The following CAMK2B variants were observed in gnomAD, a reference collection of about 807,000 sequenced individuals.
CAMK2B encodes the protein calcium/calmodulin dependent protein kinase II beta.
In CAMK2B, 27 loss-of-function variants were observed where a neutral mutation model predicts 93.7. The observed-to-expected ratio is 0.29, with a 90% CI of 0.21 to 0.40. The LOEUF (loss-of-function observed/expected upper bound fraction) is 0.40. CAMK2B is among the 10% of genes least tolerant of loss of function. CAMK2B has a pLI of 1.00. For missense variants in CAMK2B, 568 were observed against 895.8 expected, an observed-to-expected ratio of 0.63 and a Z score of 4.67; for synonymous variants, 374 against 358.8, an observed-to-expected ratio of 1.04 and a Z score of -0.48.
At chr7:44,249,066 G>A (rs10441113) in intron 5 of CAMK2B, among the ~76,000 whole-genome samples, 46,525 of 152,054 alleles carry the variant, frequency 0.31, 7,996 homozygotes, top group Non-Finnish European at 0.39. Flanking sequence ...TTCTGCTCCT[G>A]CAACTCCTGT....
intron 1 of CAMK2B, among the ~76,000 whole-genome samples, chr7:44,294,136 C>G (rs1787635511): frequency 6.6e-6 from 1 of 152,146 alleles, no homozygotes; most frequent in Non-Finnish European, 1.5e-5. Flanking sequence ...TGGCTGACCC[C>G]CCTCCAAGGA....
At position 44,311,794 on chromosome 7, in the gene CAMK2B, A is replaced by AGGGGAAG. The variant is rs1166832685; in HGVS notation, c.65+13556_65+13562dup. On this transcript the variant is annotated intron_variant, in intron 1 of 23. Transcript: ENST00000395749. This position sits in a 1 kb window ranked among gnomAD's most constrained non-coding sequence, Gnocchi z 4.2. ...TCTGCTCCCACCTGCAGACAGGACA[A>AGGGGAAG]GGGGAAGGGGTGTGTGACTGACTCT... Among the ~76,000 whole-genome samples, 1 of 152,186 alleles carries AGGGGAAG rather than the reference A, an allele frequency of 6.6e-6. No individual in the cohort carries two copies. The highest frequency in any genetic ancestry group is 1.5e-5 in the Non-Finnish European group (1 of 68,022).
At chr7:44,282,209 C>A (rs1015425288) in intron 2 of CAMK2B, among the ~76,000 whole-genome samples, 27 of 152,350 alleles carry the variant, frequency 1.8e-4, no homozygotes, top group African/African-American at 6.0e-4. Flanking sequence ...CAACTGAGCA[C>A]CGCCCACTTA....
At chr7:44,305,730 G>A (rs1055477101) in intron 1 of CAMK2B, among the ~76,000 whole-genome samples, 1 of 152,204 alleles carries the variant, frequency 6.6e-6, no homozygotes, top group Non-Finnish European at 1.5e-5. Flanking sequence ...AGACAGGGGC[G>A]AGAGGCCTTG....
intron 1 of CAMK2B, 131 bp downstream of exon 1, chr7:44,325,226 T>C: frequency 2.8e-6 from 1 of 358,328 alleles, no homozygotes; most frequent in Non-Finnish European, 3.9e-6. Flanking sequence ...GGCCGTGCGC[T>C]TGGGCCCGGA....
chr7:44,236,266 T>C (rs1041471316), intron 13 of CAMK2B, among the ~76,000 whole-genome samples: 4 of 152,222 alleles, frequency 2.6e-5, no homozygotes, highest in Admixed American at 6.5e-5. Context: ...CTGGGCTCTG[T>C]GGGGACTGGG....
At chr7:44,263,283 G>A (rs2129040165) in intron 2 of CAMK2B, among the ~76,000 whole-genome samples, 1 of 152,360 alleles carries the variant, frequency 6.6e-6, no homozygotes, top group East Asian at 1.9e-4. Context: ...GGGTGGAGAG[G>A]CCCATTCGGG....
intron 1 of CAMK2B, among the ~76,000 whole-genome samples, chr7:44,291,044 G>A (rs531833359): frequency 6.6e-6 from 1 of 152,246 alleles, no homozygotes; most frequent in East Asian, 1.9e-4. Context: ...CAATTAGGGG[G>A]CTCTTGTTGC....
At chr7:44,279,027 C>G (rs2097078544) in intron 2 of CAMK2B, among the ~76,000 whole-genome samples, 1 of 152,218 alleles carries the variant, frequency 6.6e-6, no homozygotes, top group South Asian at 2.1e-4. Flanking sequence ...GGCCGTGTGA[C>G]CCAAAGGTTC....
intron 20 of CAMK2B, among the ~76,000 whole-genome samples, chr7:44,226,091 G>T (rs1170752100): frequency 2.6e-5 from 4 of 152,032 alleles, no homozygotes; most frequent in Admixed American, 2.6e-4. Flanking sequence ...TCTAATGCTA[G>T]AGCGTCTCAG....
chr7:44,232,269 C>A (rs886603269), intron 16 of CAMK2B, among the ~76,000 whole-genome samples: 1 of 152,090 alleles, frequency 6.6e-6, no homozygotes, highest in Non-Finnish European at 1.5e-5. Flanking sequence ...GGTGTAGTGG[C>A]GCTGTTTTGG....
intron 1 of CAMK2B, among the ~76,000 whole-genome samples, chr7:44,290,783 G>T (rs948041419): frequency 6.6e-6 from 1 of 152,178 alleles, no homozygotes; most frequent in African/African-American, 2.4e-5. Flanking sequence ...GAGTGCTGAG[G>T]TTGTTGTGGG....
At chr7:44,276,189 C>A (rs2097036572) in intron 2 of CAMK2B, among the ~76,000 whole-genome samples, 2 of 127,904 alleles carry the variant, frequency 1.6e-5, no homozygotes, top group South Asian at 2.8e-4. Flanking sequence ...GGGAAAGGGG[C>A]GGGTCTCCAG....
chr7:44,323,899 C>A, intron 1 of CAMK2B: 1 of 161,734 alleles, frequency 6.2e-6, no homozygotes, highest in Non-Finnish European at 1.4e-5. Context: ...ACCGGGGAGC[C>A]AGCCACCCAC....
At chr7:44,242,929 G>A (rs924174235) in intron 8 of CAMK2B, among the ~76,000 whole-genome samples, 1 of 152,158 alleles carries the variant, frequency 6.6e-6, no homozygotes, top group Non-Finnish European at 1.5e-5. Flanking sequence ...CCTACCCAAG[G>A]AGGTGGCCCT....
In CAMK2B at chr7:44,311,633, G is replaced by T. The variant is rs866315901; in HGVS notation, c.65+13724C>A. Among the ~76,000 whole-genome samples the T allele has an allele frequency of 1.3e-5, 2 of 152,192 alleles. No individual in the cohort carries two copies. The highest frequency in any genetic ancestry group is 3.2e-3 in the Middle Eastern group (1 of 316). On this transcript the variant is annotated intron_variant, in intron 1 of 23. Transcript: ENST00000395749. This position sits in a 1 kb window ranked among gnomAD's most constrained non-coding sequence, Gnocchi z 4.2. ...GCCCCAGCCCCGGGTACCCAGAGGG[G>T]CTGTCCTGCCCCTGCGAGCACCACA... is the stretch of plus-strand genomic sequence containing the variant.
intron 1 of CAMK2B, among the ~76,000 whole-genome samples, chr7:44,285,563 G>A (rs564735322): frequency 1.3e-5 from 2 of 152,200 alleles, no homozygotes; most frequent in Admixed American, 1.3e-4. Flanking sequence ...TCTTACATAC[G>A]AACACCGTTT....
intron 1 of CAMK2B, among the ~76,000 whole-genome samples, chr7:44,309,067 T>G (rs1231430921): frequency 2.0e-5 from 3 of 152,224 alleles, no homozygotes; most frequent in Non-Finnish European, 4.4e-5. Context: ...ACTGCCCGCC[T>G]GGCCTAGTAG....
intron 15 of CAMK2B, among the ~76,000 whole-genome samples, chr7:44,233,470 ACC>A (rs1014074231): frequency 5.3e-5 from 8 of 151,974 alleles, no homozygotes; most frequent in Non-Finnish European, 7.4e-5. Context: ...CATTTGGCAA[ACC>A]CAGTATTCCC....
Sources: gnomAD v4.1 joint callset for allele counts (sites outside exome capture counted in the v4.1 genomes callset) on GRCh38, gnomAD v4.1.1 for gene constraint, Gnocchi (gnomAD v3.1) non-coding constraint, MANE v1.5 for transcripts, NCBI Gene and HGNC (gene_info 2026-07-23, HGNC 2026-07-21) for gene names.